The following FMR1 variants were observed in gnomAD, a reference collection of about 807,000 sequenced individuals.
FMR1 encodes the protein FMRP translational regulator 1.
Under a neutral mutation model 50.6 loss-of-function variants are expected in FMR1, and 13 were observed. That is an observed-to-expected ratio of 0.26 (90% confidence interval 0.17 to 0.41). The LOEUF (loss-of-function observed/expected upper bound fraction) is 0.41, where lower values mean the gene tolerates loss of function less well. Among genes scored for constraint, FMR1 ranks in the 10% least tolerant of loss-of-function variants. The pLI, the probability that FMR1 is intolerant of heterozygous loss-of-function variation, is 1.00. For synonymous variants in FMR1, 138 were observed against 164.1 expected (o/e 0.84, Z 1.22); for missense variants, 316 against 491.3 (o/e 0.64, Z 3.37).
rs25714 is a variant in FMR1, at chrX:147,936,627, C to T, written c.990+14C>T. 0.1 allele frequency: 105,759 copies of T among 1,016,839 alleles called. 8,332 individuals carry two copies. The highest frequency in any genetic ancestry group is 0.65 in the East Asian group (21,277 of 32,882). The allele number at this position is 1,016,839 out of a possible 1,213,427, so 83.8% of individuals were successfully genotyped here. A position where few individuals can be genotyped will look rare whatever the true frequency, so the allele number is the denominator to read the frequency against. ...CCACAAGAAGAGGTATGTTACAGTG[C>T]GAATATTTTGTGGCACATATAATAA... On this transcript the variant is annotated intron_variant, in intron 10 of 16. Coordinates refer to ENST00000370475, the MANE Select transcript of FMR1 (RefSeq NM_002024.6).
chrX:147,924,517 T>A (rs200930415), intron 2 of FMR1, among the ~76,000 whole-genome samples: 251 of 93,039 alleles, frequency 2.7e-3, no homozygotes, highest in African/African-American at 9.6e-3. Context: ...ATATATATAT[T>A]TTTTTTTTTT....
At chrX:147,945,713 T>G in intron 16 of FMR1, 97 bp downstream of exon 16, 1 of 637,389 alleles carries the variant, frequency 1.6e-6, no homozygotes, top group Non-Finnish European at 2.6e-6. Context: ...GTTCAAAGAT[T>G]ACAAATCCAG....
chrX:147,947,449 G>C (rs181863081), intron 16 of FMR1: 4 of 104,690 alleles, frequency 3.8e-5, no homozygotes, highest in Admixed American at 2.1e-4. Flanking sequence ...GGTGGCGCAC[G>C]CCTGTAATCC....
intron 9 of FMR1, among the ~76,000 whole-genome samples, chrX:147,936,203 A>T (rs1335821465): frequency 8.9e-6 from 1 of 112,144 alleles, no homozygotes; most frequent in African/African-American, 3.2e-5. Flanking sequence ...TTGTGCAAAA[A>T]TAAGAGGTTA....
intron 3 of FMR1, chrX:147,927,697 GT>G (rs2043438412): frequency 8.9e-6 from 1 of 111,870 alleles, no homozygotes. Context: ...AAAGAGATCA[GT>G]TAGAAGAACT....
At chrX:147,926,892 A>T (rs781855563) in intron 3 of FMR1, among the ~76,000 whole-genome samples, 1 of 111,194 alleles carries the variant, frequency 9.0e-6, no homozygotes, top group South Asian at 3.8e-4. Flanking sequence ...GATAGCTAAT[A>T]TGACAGATGT....
intron 3 of FMR1, 72 bp from the exon 4 acceptor site, chrX:147,928,250 C>T: frequency 5.1e-6 from 5 of 984,914 alleles, no homozygotes; most frequent in South Asian, 2.0e-5. Flanking sequence ...AAAATTTCCT[C>T]GATATCTGAA....
Position 147,943,291 on chromosome X carries a change from G to A in FMR1, c.1436G>A (p.Arg479Lys). Residue 479 changes from arginine (R) to lysine (K), a missense_variant, in exon 14 of 17, where the codon AGG becomes AAG. Arg to Lys is a conservative substitution (Grantham distance 26). Around this residue, in one of 4 missense-constraint regions of FMR1, gnomAD observed 124 missense variants for 160.8 expected, o/e 0.77. Transcript: ENST00000370475. The part of the protein sequence containing the change: ...MGRGSRPYRN[R>K]GHGRRGPGYT... Reference sequence around the variant, plus strand: ...CGAGGTAGTAGACCTTACAGAAATAGGGGGCACGGCAGACGCGGTCCTGGA... The same window carrying A: ...CGAGGTAGTAGACCTTACAGAAATAAGGGGCACGGCAGACGCGGTCCTGGA... 6 of 1,210,784 alleles carry A rather than the reference G, an allele frequency of 5.0e-6. No homozygotes were observed. Among genetic ancestry groups the A allele is most frequent in the Admixed American group, 2.2e-5 (1 of 45,974 alleles).
intron 1 of FMR1, chrX:147,912,804 C>G (rs1299499196): frequency 3.4e-6 from 1 of 295,931 alleles, no homozygotes; most frequent in Non-Finnish European, 5.9e-6. Context: ...TAGTCGGCAC[C>G]AAATCACAAT....
In FMR1 at chrX:147,912,165, A is replaced by C; in HGVS notation, c.-15A>C. The C allele has an allele frequency of 1.8e-6, 2 of 1,121,491 alleles. No individual in the cohort carries two copies. The highest frequency in any genetic ancestry group is 2.4e-6 in the Non-Finnish European group (2 of 849,520). 92.4% of individuals were successfully genotyped at this position (1,121,491 alleles called of 1,213,427 possible). A position where few individuals can be genotyped will look rare whatever the true frequency, so the allele number is the denominator to read the frequency against. On this transcript the variant is annotated 5_prime_UTR_variant, in exon 1 of 17. Transcript: ENST00000370475. ...TCGGGGGCGGGCTCCCGGCGCTAGC[A>C]GGGCTGAAGAGAAGATGGAGGAGCT... is the stretch of plus-strand genomic sequence containing the variant.
intron 11 of FMR1, 44 bp from the exon 12 acceptor site, chrX:147,938,055 T>C (rs1557180007): frequency 9.6e-7 from 1 of 1,044,996 alleles, no homozygotes; most frequent in Admixed American, 2.2e-5. Flanking sequence ...GTGTATCGTT[T>C]GTTATAGTTA....
intron 11 of FMR1, 96 bp downstream of exon 11, chrX:147,937,696 G>A (rs182803885): frequency 2.5e-5 from 14 of 557,644 alleles, no homozygotes; most frequent in Admixed American, 2.2e-4. Flanking sequence ...AGACTTGTAG[G>A]CTACTTATGT....
intron 3 of FMR1, 127 bp downstream of exon 3, chrX:147,925,760 C>A: frequency 1.9e-6 from 1 of 517,660 alleles, no homozygotes; most frequent in Non-Finnish European, 3.5e-6. Flanking sequence ...GGAATGGACA[C>A]GTGCTTTTGA....
intron 1 of FMR1, among the ~76,000 whole-genome samples, chrX:147,915,809 A>G (rs782676351): frequency 3.6e-5 from 4 of 111,767 alleles, no homozygotes; most frequent in Non-Finnish European, 7.5e-5. Context: ...AATGATGCAC[A>G]GAGAGGTTAG....
intron 15 of FMR1, 91 bp from the exon 16 acceptor site, chrX:147,945,443 G>T (rs919867181): frequency 1.5e-6 from 1 of 680,112 alleles, no homozygotes; most frequent in Admixed American, 2.4e-5. Context: ...AGATTCTGTG[G>T]TTGGTTTAAA....
intron 1 of FMR1, chrX:147,914,234 C>T (rs1557174624): frequency 8.9e-6 from 1 of 112,449 alleles, no homozygotes; most frequent in East Asian, 2.8e-4. Context: ...GTGTGTCAGA[C>T]AAATTGCTGT....
chrX:147,944,654 T>C, intron 14 of FMR1: 1 of 1,042,848 alleles, frequency 9.6e-7, no homozygotes, highest in Non-Finnish European at 1.2e-6. Flanking sequence ...GAATGAAACA[T>C]GTTTATAACC....
intron 1 of FMR1, among the ~76,000 whole-genome samples, chrX:147,918,608 C>T (rs951637336): frequency 6.1e-5 from 5 of 81,752 alleles, no homozygotes; most frequent in African/African-American, 2.0e-4. Flanking sequence ...GCAGATCTTC[C>T]TCCTTTGAGA....
At chrX:147,940,439 A>G (rs971408482) in intron 12 of FMR1, 137 bp from the exon 13 acceptor site, 68 of 517,168 alleles carry the variant, frequency 1.3e-4, no homozygotes, top group African/African-American at 1.1e-3. Flanking sequence ...GTTTTCATAT[A>G]TTGATTTATA....
Sources: allele counts gnomAD v4.1 joint callset (sites outside exome capture counted in the v4.1 genomes callset), GRCh38; gene constraint gnomAD v4.1.1; regional missense constraint gnomAD v4.1.1; transcripts MANE v1.5; gene names NCBI Gene and HGNC (gene_info 2026-07-23, HGNC 2026-07-21).